Variants in FOXP1 observed in about 807,000 individuals in gnomAD.
FOXP1 encodes forkhead box protein P1.
FOXP1 carries 15 observed loss-of-function variants against 98.2 expected under a neutral mutation model. The observed-to-expected ratio is 0.15, with a 90% confidence interval of 0.10 to 0.24. FOXP1 has a LOEUF of 0.24. Among genes scored for constraint, FOXP1 ranks in the 10% least tolerant of loss-of-function variants. The pLI, the probability that FOXP1 is intolerant of heterozygous loss-of-function variation, is 1.00. For synonymous variants in FOXP1, 371 were observed against 314.5 expected (o/e 1.18, Z -1.90); for missense variants, 633 against 848.5 (o/e 0.75, Z 3.15).
chr3:70,972,335 T>C (rs2036443851), intron 18 of FOXP1: 2 of 869,218 alleles, frequency 2.3e-6, no homozygotes, highest in South Asian at 3.4e-5. Flanking sequence ...CATTGCCACC[T>C]AAAAGCTACT....
rs17008125 is a variant in FOXP1, at chr3:71,001,290, C to T, written c.975-231G>A. Among the ~76,000 whole-genome samples the T allele has an allele frequency of 0.03, 4,590 of 152,154 alleles. 199 individuals carry two copies. The highest frequency in any genetic ancestry group is 0.1 in the African/African-American group (4,220 of 41,472). Reference sequence around the variant, plus strand: ...CCTTCCAGGGAGAAGTTCTGCAGGGCGTCTGGAGATAACCATTTACACATA... The same window carrying T: ...CCTTCCAGGGAGAAGTTCTGCAGGGTGTCTGGAGATAACCATTTACACATA... On this transcript the variant is annotated intron_variant, in intron 12 of 20. Transcript: ENST00000649528.
At chr3:71,512,885 G>A (rs530622154) in intron 2 of FOXP1, among the ~76,000 whole-genome samples, 5 of 152,200 alleles carry the variant, frequency 3.3e-5, no homozygotes, top group Admixed American at 2.0e-4. Flanking sequence ...GAACCAGCAC[G>A]CCAGCCCTAC....
chr3:71,065,908 T>G (rs1325981975), intron 7 of FOXP1: 3 of 152,074 alleles, frequency 2.0e-5, no homozygotes, highest in Non-Finnish European at 2.9e-5. Context: ...CAGGTTAATC[T>G]AGTCCATTTC....
At chr3:71,568,849 G>A (rs2047116321) in intron 2 of FOXP1, among the ~76,000 whole-genome samples, 1 of 152,112 alleles carries the variant, frequency 6.6e-6, no homozygotes, top group African/African-American at 2.4e-5. Context: ...TTTTCACCAT[G>A]TTGGCCAGGC....
In FOXP1 at chr3:71,044,412, G is replaced by C. The variant is rs1245427536; in HGVS notation, c.664+2530C>G. Among the ~76,000 whole-genome samples the C allele has an allele frequency of 3.3e-5, 5 of 152,186 alleles. No homozygotes were observed. The South Asian group carries it at 6.2e-4, about 19-fold the overall frequency. On this transcript the variant is annotated intron_variant, in intron 10 of 20. Transcript: ENST00000649528. ...TGCTAGGGAGGATGAGATGATTAAA[G>C]AGACCAGGGTGAAAAGCAGATAGGC...
chr3:71,265,258 A>G (rs191932822), intron 5 of FOXP1, among the ~76,000 whole-genome samples: 3 of 152,334 alleles, frequency 2.0e-5, no homozygotes, highest in African/African-American at 7.2e-5. Context: ...GCGTTGTTCT[A>G]GGCACCTCCC....
chr3:71,548,428 C>G (rs762042311), intron 2 of FOXP1, among the ~76,000 whole-genome samples: 1 of 152,002 alleles, frequency 6.6e-6, no homozygotes, highest in Non-Finnish European at 1.5e-5. Flanking sequence ...TATTTTAAGA[C>G]AGGGTCTTGT....
At chr3:71,105,927 G>C (rs771442428) in intron 7 of FOXP1, among the ~76,000 whole-genome samples, 15 of 152,114 alleles carry the variant, frequency 9.9e-5, no homozygotes, top group Admixed American at 2.6e-4. Context: ...ATGGAAAATA[G>C]CGTAATTTAC....
intron 5 of FOXP1, among the ~76,000 whole-genome samples, chr3:71,270,333 T>C (rs1285576418): frequency 1.3e-5 from 2 of 152,184 alleles, no homozygotes; most frequent in African/African-American, 4.8e-5. Flanking sequence ...TTAATACTGA[T>C]GTGCAAAAAT....
At chr3:71,249,564 G>C (rs2068024789) in intron 5 of FOXP1, among the ~76,000 whole-genome samples, 1 of 152,178 alleles carries the variant, frequency 6.6e-6, no homozygotes, top group Non-Finnish European at 1.5e-5. Flanking sequence ...GTCCGGATCT[G>C]AACCCAGCCC....
At chr3:70,962,701 ACTAT>A (rs1348604587) in intron 20 of FOXP1, among the ~76,000 whole-genome samples, 3 of 152,140 alleles carry the variant, frequency 2.0e-5, no homozygotes, top group African/African-American at 7.2e-5. Flanking sequence ...TACTTTCTTA[ACTAT>A]CAGGTCTATC....
intron 3 of FOXP1, among the ~76,000 whole-genome samples, chr3:71,403,363 A>C (rs2082074367): frequency 6.6e-6 from 1 of 152,242 alleles, no homozygotes; most frequent in Non-Finnish European, 1.5e-5. Context: ...GTGGCTCATC[A>C]CTGAAAGTTT....
intron 3 of FOXP1, among the ~76,000 whole-genome samples, chr3:71,465,074 G>T (rs1342433622): frequency 8.5e-5 from 13 of 152,068 alleles, no homozygotes; most frequent in Admixed American, 7.2e-4. Context: ...TTGGGAGTCC[G>T]AGGTAGGCGG....
intron 5 of FOXP1, among the ~76,000 whole-genome samples, chr3:71,281,039 C>CAAAAAAAAA (rs55640213): frequency 2.0e-4 from 17 of 83,526 alleles, no homozygotes; most frequent in Admixed American, 2.7e-4. Context: ...CCCTTCTCTA[C>CAAAAAAAAA]AAAAAAAAAA....
At chr3:71,577,515 T>C (rs1372286968) in intron 2 of FOXP1, among the ~76,000 whole-genome samples, 1 of 152,134 alleles carries the variant, frequency 6.6e-6, no homozygotes, top group Non-Finnish European at 1.5e-5. Flanking sequence ...TTTCAGGAAC[T>C]TGCCTCATCT....
intron 11 of FOXP1, among the ~76,000 whole-genome samples, chr3:71,028,823 G>A (rs2046470498): frequency 6.6e-6 from 1 of 152,216 alleles, no homozygotes; most frequent in African/African-American, 2.4e-5. Context: ...TGGGGGTAAT[G>A]GGAGACAGTG....
intron 5 of FOXP1, among the ~76,000 whole-genome samples, chr3:71,234,750 A>G (rs1435229594): frequency 6.6e-6 from 1 of 152,226 alleles, no homozygotes; most frequent in East Asian, 1.9e-4. Flanking sequence ...TGTGGATAAG[A>G]TGATTGAAAA....
intron 3 of FOXP1, among the ~76,000 whole-genome samples, chr3:71,475,016 C>A (rs139736011): frequency 2.0e-5 from 3 of 152,036 alleles, no homozygotes. Context: ...CACTGCCATC[C>A]GCTGTGTCAG....
chr3:71,100,961 G>T (rs1340539824), intron 7 of FOXP1, among the ~76,000 whole-genome samples: 1 of 152,166 alleles, frequency 6.6e-6, no homozygotes, highest in African/African-American at 2.4e-5. Flanking sequence ...GAGGATAGGA[G>T]GTGAGCGATG....
Sources: gnomAD v4.1 joint callset for allele counts (sites outside exome capture counted in the v4.1 genomes callset) on GRCh38, gnomAD v4.1.1 for gene constraint, MANE v1.5 for transcripts, NCBI Gene and HGNC (gene_info 2026-07-23, HGNC 2026-07-21) for gene names.